CCDC148: variants seen among roughly 807,000 people sequenced by gnomAD.
The protein encoded by CCDC148 is coiled-coil domain-containing protein 148.
In CCDC148, 89 loss-of-function variants were observed where a neutral mutation model predicts 85.7. The observed-to-expected ratio is 1.04, with a 90% confidence interval of 0.87 to 1.24. The LOEUF is 1.24. Among genes scored for constraint, CCDC148 ranks in the 50% most tolerant of loss-of-function variants. CCDC148 has a pLI of 0.00. For missense variants in CCDC148, 692 were observed against 671.7 expected, an observed-to-expected ratio of 1.03 and a Z score of -0.33; for synonymous variants, 230 against 213.9, an observed-to-expected ratio of 1.08 and a Z score of -0.66.
chr2:158,252,136 A>C (rs1688816275), intron 9 of CCDC148, among the ~76,000 whole-genome samples: 2 of 151,832 alleles, frequency 1.3e-5, no homozygotes, highest in South Asian at 2.1e-4. Flanking sequence ...ATTTCATATA[A>C]GCATCATTTA....
chr2:158,436,515 G>A (rs186478773), intron 1 of CCDC148, among the ~76,000 whole-genome samples: 40 of 152,252 alleles, frequency 2.6e-4, no homozygotes, highest in Admixed American at 1.2e-3. Context: ...ATGCCCACAA[G>A]AGAAAGCAGG....
At chr2:158,256,536 CAG>C (rs1358274608) in intron 9 of CCDC148, among the ~76,000 whole-genome samples, 3 of 151,554 alleles carry the variant, frequency 2.0e-5, no homozygotes, top group East Asian at 1.9e-4. Context: ...TTTATGGAAA[CAG>C]TGTGTGATGT....
intron 2 of CCDC148, among the ~76,000 whole-genome samples, chr2:158,352,574 T>C (rs1683378396): frequency 6.6e-6 from 1 of 152,020 alleles, no homozygotes; most frequent in Non-Finnish European, 1.5e-5. Flanking sequence ...TATGGGACTA[T>C]GTGAAAAGAC....
chr2:158,425,319 G>A, intron 1 of CCDC148: 4 of 521,678 alleles, frequency 7.7e-6, no homozygotes, highest in South Asian at 5.8e-5. Flanking sequence ...GAGGACATTG[G>A]AGAAAACAGG....
rs3080062 is a variant in CCDC148, at chr2:158,387,288, TTATCTATATCTA to T, written c.26-28730_26-28719del. Among the ~76,000 whole-genome samples, 139 of 150,576 alleles carry T rather than the reference TTATCTATATCTA, an allele frequency of 9.2e-4. 1 individual carries two copies. Among genetic ancestry groups the T allele is most frequent in the Admixed American group, 6.9e-3 (104 of 15,100 alleles). On this transcript the variant is annotated intron_variant, in intron 1 of 13. Coordinates refer to ENST00000283233, the MANE Select transcript of CCDC148 (RefSeq NM_138803.4). ...AACACAGGCCCACACATTTATATCA[TTATCTATATCTA>T]TATCTATATCTATATCTATGAATAT... is the stretch of plus-strand genomic sequence containing the variant.
At chr2:158,393,707 G>A (rs1468412960) in intron 1 of CCDC148, among the ~76,000 whole-genome samples, 1 of 152,102 alleles carries the variant, frequency 6.6e-6, no homozygotes, top group East Asian at 1.9e-4. Context: ...TTAAATAGAT[G>A]AGCTGACAAG....
At chr2:158,314,875 A>G (rs1317711693) in intron 7 of CCDC148, among the ~76,000 whole-genome samples, 4 of 152,222 alleles carry the variant, frequency 2.6e-5, no homozygotes, top group African/African-American at 4.8e-5. Context: ...AATTTCTTAT[A>G]TATCTTCCAT....
At chr2:158,404,208 T>C (rs574001699) in intron 1 of CCDC148, among the ~76,000 whole-genome samples, 1 of 152,196 alleles carries the variant, frequency 6.6e-6, no homozygotes, top group South Asian at 2.1e-4. Context: ...TCCAGGGCAC[T>C]CCTGAGGTTG....
chr2:158,395,320 A>G (rs1301959685), intron 1 of CCDC148, among the ~76,000 whole-genome samples: 1 of 152,032 alleles, frequency 6.6e-6, no homozygotes, highest in Non-Finnish European at 1.5e-5. Context: ...CATCTAATCA[A>G]TGACACATAT....
intron 11 of CCDC148, among the ~76,000 whole-genome samples, chr2:158,201,618 C>T (rs1574389989): frequency 6.6e-6 from 1 of 152,030 alleles, no homozygotes; most frequent in South Asian, 2.1e-4. Flanking sequence ...CACCATGTTG[C>T]CCAGGCTGCT....
intron 1 of CCDC148, among the ~76,000 whole-genome samples, chr2:158,451,866 T>C (rs781545033): frequency 8.6e-5 from 13 of 152,008 alleles, no homozygotes; most frequent in Non-Finnish European, 1.9e-4. Context: ...TTGTAAAATA[T>C]TTGCATAATT....
intron 9 of CCDC148, among the ~76,000 whole-genome samples, chr2:158,271,525 C>A (rs1689698171): frequency 6.6e-6 from 1 of 152,116 alleles, no homozygotes; most frequent in Non-Finnish European, 1.5e-5. Flanking sequence ...TTGCAGCCAT[C>A]TTGGTTATCA....
intron 1 of CCDC148, among the ~76,000 whole-genome samples, chr2:158,454,303 G>T (rs1688517094): frequency 6.6e-6 from 1 of 152,206 alleles, no homozygotes; most frequent in African/African-American, 2.4e-5. Flanking sequence ...CAGATATTTG[G>T]AAGGCTTAGG....
At chr2:158,251,771 C>G (rs1471440478) in intron 9 of CCDC148, among the ~76,000 whole-genome samples, 1 of 151,712 alleles carries the variant, frequency 6.6e-6, no homozygotes, top group Non-Finnish European at 1.5e-5. Flanking sequence ...AAAGCAGATA[C>G]AAAGCCACAT....
In CCDC148 at chr2:158,172,232, C is replaced by G; in HGVS notation, c.1657G>C (p.Glu553Gln). 1 of 1,606,230 alleles carries G rather than the reference C, an allele frequency of 6.2e-7. No homozygotes were observed. The highest frequency in any genetic ancestry group is 8.5e-7 in the Non-Finnish European group (1 of 1,176,466). Residue 553 changes from glutamate (E) to glutamine (Q), a missense_variant, in exon 14 of 14, where the codon GAG becomes CAG. Glu to Gln is a conservative substitution (Grantham distance 29). Transcript: ENST00000283233. ...QIISDPRLRF[E>Q]LALREAGLHR... is the part of the protein sequence containing the mutation. The stretch of plus-strand genomic sequence containing the variant: ...AGTCCAGCTTCTCGAAGTGCTAACT[C>G]GAAGCGAAGTCTAGGGTCAGAAATT...
rs1054277558 is a variant in CCDC148, at chr2:158,418,836, A to G, written c.25+37579T>C. 2.0e-5 allele frequency among the ~76,000 whole-genome samples: 3 copies of G among 152,134 alleles called. No individual in the cohort carries two copies. In the East Asian group the frequency reaches 5.8e-4, roughly 29 times the overall value. ...ATAATGCCTGGCATATAGGAAGCAT[A>G]CAATAAACGTGTTTTAATGAACAAA... On this transcript the variant is annotated intron_variant, in intron 1 of 13. Transcript: ENST00000283233.
At chr2:158,419,301 T>G (rs1686655768) in intron 1 of CCDC148, among the ~76,000 whole-genome samples, 2 of 152,210 alleles carry the variant, frequency 1.3e-5, no homozygotes, top group Non-Finnish European at 2.9e-5. Flanking sequence ...AAAGGTTATA[T>G]TAAGAATGAG....
intron 11 of CCDC148, among the ~76,000 whole-genome samples, chr2:158,219,586 A>G (rs1687064535): frequency 6.6e-6 from 1 of 152,176 alleles, no homozygotes; most frequent in Non-Finnish European, 1.5e-5. Flanking sequence ...CAGAGTTCCA[A>G]TGGCACACCC....
chr2:158,372,870 G>C (rs748886455), intron 1 of CCDC148, among the ~76,000 whole-genome samples: 6 of 151,876 alleles, frequency 4.0e-5, no homozygotes, highest in Non-Finnish European at 7.4e-5. Context: ...CTTTACCCTT[G>C]AGCATTCCCA....
Sources: allele counts gnomAD v4.1 joint callset (sites outside exome capture counted in the v4.1 genomes callset), GRCh38; gene constraint gnomAD v4.1.1; transcripts MANE v1.5; gene names NCBI Gene and HGNC (gene_info 2026-07-23, HGNC 2026-07-21).